Variants in MSH3 observed in about 807,000 individuals in gnomAD.
MSH3 encodes the protein mutS homolog 3.
A neutral mutation model predicts 123.3 loss-of-function variants in MSH3; 106 were observed. The ratio of observed to expected loss-of-function variants is 0.86; its 90% CI spans 0.73 to 1.01. The LOEUF (loss-of-function observed/expected upper bound fraction) is 1.01. Ranked by LOEUF, MSH3 falls within the 50% of genes least tolerant of loss-of-function variation. The probability of loss-of-function intolerance (pLI) is 0.00; values close to 1 mark genes in which losing one functional copy is unlikely to be tolerated. For missense variants in MSH3, 1,459 were observed against 1,347.6 expected (o/e 1.08, Z -1.29); for synonymous variants, 515 against 481.4 (o/e 1.07, Z -0.91).
chr5:80,801,376 C>G (rs1276545619), intron 19 of MSH3, among the ~76,000 whole-genome samples: 1 of 152,070 alleles, frequency 6.6e-6, no homozygotes, highest in Non-Finnish European at 1.5e-5. Context: ...AGTCTTGTGT[C>G]TTTTTTCCTG....
chr5:80,708,028 A>C (rs1219159231), intron 8 of MSH3, among the ~76,000 whole-genome samples: 1 of 152,192 alleles, frequency 6.6e-6, no homozygotes, highest in Non-Finnish European at 1.5e-5. Context: ...TTCTTTATAC[A>C]TTCTGAATAA....
At chr5:80,774,726 T>G (rs6151809) in intron 15 of MSH3, among the ~76,000 whole-genome samples, 20,380 of 152,104 alleles carry the variant, frequency 0.13, 1,398 homozygotes, top group East Asian at 0.28. Flanking sequence ...AGACAAACTT[T>G]GCGTGTTGTC....
intron 20 of MSH3, among the ~76,000 whole-genome samples, chr5:80,851,205 T>C (rs1384740630): frequency 6.8e-6 from 1 of 147,046 alleles, no homozygotes; most frequent in Non-Finnish European, 1.5e-5. Flanking sequence ...CTGATGGTTT[T>C]CATAGTGTTA....
chr5:80,688,642 A>G (rs1380820020), intron 8 of MSH3, among the ~76,000 whole-genome samples: 1 of 151,826 alleles, frequency 6.6e-6, no homozygotes, highest in Non-Finnish European at 1.5e-5. Flanking sequence ...GAGACTATAT[A>G]ATTATCAGAG....
Position 80,669,985 on chromosome 5 carries a change from T to C in MSH3, c.580-112T>C, listed in dbSNP as rs892718456. 3.5e-5 allele frequency: 34 copies of C among 967,042 alleles called. No homozygotes were observed. In the Admixed American group the frequency reaches 7.1e-4, roughly 20 times the overall value. 59.9% of individuals were successfully genotyped at this position (967,042 alleles called of 1,614,324 possible). A position where few individuals can be genotyped will look rare whatever the true frequency, so the allele number is the denominator to read the frequency against. ...TGCTACAATGTGCTTCTATAAACTT[T>C]TCATCTAGATTCACTAAGTGTTAGC... is the stretch of plus-strand genomic sequence containing the variant. On this transcript the variant is annotated intron_variant, in intron 3 of 23. Coordinates refer to ENST00000265081, the MANE Select transcript of MSH3 (RefSeq NM_002439.5).
chr5:80,660,474 G>A (rs1177901250), intron 2 of MSH3, among the ~76,000 whole-genome samples: 1 of 152,132 alleles, frequency 6.6e-6, no homozygotes, highest in African/African-American at 2.4e-5. Context: ...TAAAATTCAA[G>A]TTGATATTTG....
intron 19 of MSH3, among the ~76,000 whole-genome samples, chr5:80,812,135 A>G (rs1745019835): frequency 6.6e-6 from 1 of 152,208 alleles, no homozygotes; most frequent in Non-Finnish European, 1.5e-5. Flanking sequence ...GAAAGGAATT[A>G]CACAGGAAGA....
chr5:80,699,375 A>T (rs1750554853), intron 8 of MSH3, among the ~76,000 whole-genome samples: 1 of 152,090 alleles, frequency 6.6e-6, no homozygotes, highest in Non-Finnish European at 1.5e-5. Flanking sequence ...CCTGGCCAAC[A>T]TGGTGAAACC....
intron 8 of MSH3, among the ~76,000 whole-genome samples, chr5:80,691,543 T>A (rs530557869): frequency 3.5e-4 from 52 of 150,004 alleles, no homozygotes; most frequent in Middle Eastern, 3.4e-3. Context: ...TTTTTTTTTT[T>A]AAATAACAAT....
chr5:80,828,642 C>T (rs113830284), intron 20 of MSH3, among the ~76,000 whole-genome samples: 2,502 of 152,242 alleles, frequency 0.016, 67 homozygotes, highest in African/African-American at 0.058. Context: ...GTGAAATGAA[C>T]GTGTTACCTA....
intron 12 of MSH3, among the ~76,000 whole-genome samples, chr5:80,749,644 C>A (rs1743796763): frequency 6.6e-6 from 1 of 152,166 alleles, no homozygotes; most frequent in Admixed American, 6.6e-5. Flanking sequence ...TATTTCATTA[C>A]ATATATACAT....
intron 20 of MSH3, among the ~76,000 whole-genome samples, chr5:80,845,920 A>G (rs1377963012): frequency 1.3e-5 from 2 of 152,146 alleles, no homozygotes; most frequent in African/African-American, 4.8e-5. Context: ...CATCAAACTC[A>G]TTCTCTGCCC....
At chr5:80,680,954 G>A (rs77786650) in intron 8 of MSH3, among the ~76,000 whole-genome samples, 5,819 of 151,920 alleles carry the variant, frequency 0.038, 154 homozygotes, top group Non-Finnish European at 0.059. Context: ...ACTCATGTGC[G>A]TTTCTGATGA....
intron 8 of MSH3, among the ~76,000 whole-genome samples, chr5:80,685,777 G>A (rs1298628879): frequency 6.6e-6 from 1 of 151,836 alleles, no homozygotes; most frequent in Non-Finnish European, 1.5e-5. Context: ...CTTTTTTCAT[G>A]TAGGTGCTTT....
chr5:80,809,380 C>G (rs1173604224), intron 19 of MSH3, among the ~76,000 whole-genome samples: 2 of 76,288 alleles, frequency 2.6e-5, no homozygotes. Context: ...AATACACTGT[C>G]AAATTATTGA....
chr5:80,826,431 ACTAGGTTTAAAT>A (rs1482573614), intron 20 of MSH3, among the ~76,000 whole-genome samples: 1 of 152,236 alleles, frequency 6.6e-6, no homozygotes, highest in Non-Finnish European at 1.5e-5. Flanking sequence ...CATTTAGAAC[ACTAGGTTTAAAT>A]CTGTGGATTC....
intron 20 of MSH3, among the ~76,000 whole-genome samples, chr5:80,823,997 G>T (rs1485344794): frequency 1.3e-5 from 2 of 152,194 alleles, no homozygotes; most frequent in African/African-American, 4.8e-5. Context: ...ATGTTTCAGA[G>T]AGCACAGGGT....
intron 21 of MSH3, among the ~76,000 whole-genome samples, chr5:80,864,142 T>A (rs957986186): frequency 2.6e-5 from 4 of 152,020 alleles, no homozygotes; most frequent in Non-Finnish European, 5.9e-5. Flanking sequence ...ATATACAGGG[T>A]CAAATAAAAC....
chr5:80,793,662 C>T (rs555788307), intron 19 of MSH3, among the ~76,000 whole-genome samples: 6 of 152,126 alleles, frequency 3.9e-5, no homozygotes, highest in South Asian at 2.1e-4. Flanking sequence ...AGGAGGAATT[C>T]GAGGAACTGA....
Sources: allele counts gnomAD v4.1 joint callset (sites outside exome capture counted in the v4.1 genomes callset), GRCh38; gene constraint gnomAD v4.1.1; transcripts MANE v1.5; gene names NCBI Gene and HGNC (gene_info 2026-07-23, HGNC 2026-07-21).